Variants in PCDHGA12 observed in about 807,000 individuals in gnomAD.
PCDHGA12 encodes the protein protocadherin gamma-A12.
Under a neutral mutation model 61.1 loss-of-function variants are expected in PCDHGA12, and 43 were observed. The ratio of observed to expected loss-of-function variants is 0.70; its 90% confidence interval spans 0.55 to 0.91. PCDHGA12 has a LOEUF of 0.91. Among genes scored for constraint, PCDHGA12 ranks in the 40% least tolerant of loss-of-function variants. The probability of loss-of-function intolerance (pLI) is 0.00; values close to 1 mark genes in which losing one functional copy is unlikely to be tolerated. For synonymous variants in PCDHGA12, 520 were observed against 542.9 expected, an observed-to-expected ratio of 0.96 and a Z score of 0.59; for missense variants, 1,236 against 1,227.7, an observed-to-expected ratio of 1.01 and a Z score of -0.10.
intron 1 of PCDHGA12, chr5:141,478,378 G>A (rs1454112813): frequency 6.2e-7 from 1 of 1,613,558 alleles, no homozygotes; most frequent in Admixed American, 1.7e-5. Context: ...TGATGTCGCC[G>A]CACCTTTACC....
In PCDHGA12 at chr5:141,490,755, C is replaced by T; in HGVS notation, c.2425-4052C>T. ...AGGTTCAGGGAGCCCCAGCCTCCTC[C>T]TTTGTGTATGTCAACCCAGAGGATG... On this transcript the variant is annotated intron_variant, in intron 1 of 3. Transcript: ENST00000252085. This position sits in a 1 kb window ranked among gnomAD's most constrained non-coding sequence, Gnocchi z 5.4. 1 of 1,614,190 alleles carries T rather than the reference C, an allele frequency of 6.2e-7. No individual in the cohort carries two copies. Among genetic ancestry groups the T allele is most frequent in the Non-Finnish European group, 8.5e-7 (1 of 1,180,026 alleles).
In PCDHGA12 at chr5:141,476,506, C is replaced by T; in HGVS notation, c.2425-18301C>T. 1 of 1,614,068 alleles carries T rather than the reference C, an allele frequency of 6.2e-7. No homozygotes were observed. ...AAGTGGTGATCCAGGACATCAACGA[C>T]AACAATCCTGCTTTCCCTACCCAGG... On this transcript the variant is annotated intron_variant, in intron 1 of 3. Transcript: ENST00000252085. This position sits in a 1 kb window ranked among gnomAD's most constrained non-coding sequence, Gnocchi z 7.6.
chr5:141,433,389 A>G (rs1157605590), intron 1 of PCDHGA12, among the ~76,000 whole-genome samples: 2 of 151,108 alleles, frequency 1.3e-5, no homozygotes, highest in African/African-American at 2.4e-5. Context: ...CTATCTATCT[A>G]TCTATCTATC....
At chr5:141,434,497 G>A (rs986672351) in intron 1 of PCDHGA12, among the ~76,000 whole-genome samples, 2 of 152,214 alleles carry the variant, frequency 1.3e-5, no homozygotes, top group African/African-American at 4.8e-5. Context: ...CCCGCCCAGG[G>A]CAGAAAACTG....
chr5:141,476,521 C>T lies in PCDHGA12; in HGVS notation c.2425-18286C>T. On this transcript the variant is annotated intron_variant, in intron 1 of 3. Transcript: ENST00000252085. The surrounding 1 kb of genome is among the most constrained non-coding windows in gnomAD (Gnocchi z 7.6). ...ACATCAACGACAACAATCCTGCTTT[C>T]CCTACCCAGGAAATGAAATTGGAGA... 4 of 1,614,214 alleles carry T rather than the reference C, an allele frequency of 2.5e-6. No homozygotes were observed. The highest frequency in any genetic ancestry group is 3.4e-6 in the Non-Finnish European group (4 of 1,180,036).
chr5:141,491,705 G>A lies in PCDHGA12; in HGVS notation c.2425-3102G>A. ...ACGCTGCGGGAGCGGAGCCAGGTGA[G>A]GGGCTCGGCGCCGCCCCGGGCGACC... is the stretch of plus-strand genomic sequence containing the variant. On this transcript the variant is annotated intron_variant, in intron 1 of 3. Transcript: ENST00000252085. The surrounding 1 kb of genome is among the most constrained non-coding windows in gnomAD (Gnocchi z 6.9). 1 of 1,611,064 alleles carries A rather than the reference G, an allele frequency of 6.2e-7. No homozygotes were observed. Among genetic ancestry groups the A allele is most frequent in the South Asian group, 1.1e-5 (1 of 90,828 alleles).
At chr5:141,454,557 C>T (rs191373514) in intron 1 of PCDHGA12, among the ~76,000 whole-genome samples, 8 of 152,160 alleles carry the variant, frequency 5.3e-5, no homozygotes, top group Admixed American at 5.2e-4. Flanking sequence ...CAGGCATGTG[C>T]CACCACGCCC....
intron 1 of PCDHGA12, among the ~76,000 whole-genome samples, chr5:141,464,402 G>T (rs900750443): frequency 6.6e-6 from 1 of 150,722 alleles, no homozygotes; most frequent in African/African-American, 2.4e-5. Context: ...AAGAACCTGA[G>T]ATATATATAT....
chr5:141,467,057 T>TG, intron 1 of PCDHGA12, among the ~76,000 whole-genome samples: 1 of 144,752 alleles, frequency 6.9e-6, no homozygotes, highest in Non-Finnish European at 1.5e-5. Context: ...AATGTTTTCT[T>TG]TTTTTTTTTT....
At chr5:141,462,984 T>G (rs1349170605) in intron 1 of PCDHGA12, among the ~76,000 whole-genome samples, 1 of 152,156 alleles carries the variant, frequency 6.6e-6, no homozygotes, top group African/African-American at 2.4e-5. Context: ...ACTTTTGCCT[T>G]GGGCTAATTT....
chr5:141,461,303 G>T (rs1390421489), intron 1 of PCDHGA12, among the ~76,000 whole-genome samples: 2 of 152,074 alleles, frequency 1.3e-5, no homozygotes, highest in Non-Finnish European at 2.9e-5. Flanking sequence ...AACATCTATT[G>T]TTTTTTGACT....
Position 141,476,292 on chromosome 5 carries a change from G to A in PCDHGA12, c.2425-18515G>A. The A allele has an allele frequency of 1.9e-6, 3 of 1,614,144 alleles. No homozygotes were observed. The highest frequency in any genetic ancestry group is 2.5e-6 in the Non-Finnish European group (3 of 1,180,016). On this transcript the variant is annotated intron_variant, in intron 1 of 3. Transcript: ENST00000252085. This position sits in a 1 kb window ranked among gnomAD's most constrained non-coding sequence, Gnocchi z 7.6. ...GTCGCGAACCTTGGTTTGGATCTCGGTAGCCTCTCAGCCCGCAGGTTCCGG... is the reference window on the plus strand; with the variant it reads ...GTCGCGAACCTTGGTTTGGATCTCGATAGCCTCTCAGCCCGCAGGTTCCGG...
chr5:141,489,339 C>T lies in PCDHGA12; in HGVS notation c.2425-5468C>T. 6.2e-7 allele frequency: 1 copy of T among 1,608,828 alleles called. No individual in the cohort carries two copies. On this transcript the variant is annotated intron_variant, in intron 1 of 3. Transcript: ENST00000252085. The surrounding 1 kb of genome is among the most constrained non-coding windows in gnomAD (Gnocchi z 4.5). ...GCTGGGTGTCTGGGCAGCTTCGTTA[C>T]TCAGTGGTGGAGGAGTCTGAGCCGG...
intron 1 of PCDHGA12, among the ~76,000 whole-genome samples, chr5:141,494,512 C>T (rs2154591503): frequency 6.6e-6 from 1 of 152,276 alleles, no homozygotes; most frequent in Middle Eastern, 3.4e-3. Context: ...AATTTTGGCT[C>T]AGGAGTTCTG....
In PCDHGA12 at chr5:141,476,132, T is replaced by C. The variant is rs751708569; in HGVS notation, c.2425-18675T>C. 2 of 1,607,820 alleles carry C rather than the reference T, an allele frequency of 1.2e-6. No homozygotes were observed. The highest frequency in any genetic ancestry group is 1.1e-5 in the South Asian group (1 of 90,582). On this transcript the variant is annotated intron_variant, in intron 1 of 3. Coordinates refer to ENST00000252085, the MANE Select transcript of PCDHGA12 (RefSeq NM_003735.3). The surrounding 1 kb of genome is among the most constrained non-coding windows in gnomAD (Gnocchi z 7.6). ...TTTGAGTGAGATGGTCCCAGAGGCC[T>C]GGAGGAGCGGACTGGTAAGCACCGG...
At chr5:141,510,534 C>T (rs1187165551) in intron 3 of PCDHGA12, among the ~76,000 whole-genome samples, 2 of 152,126 alleles carry the variant, frequency 1.3e-5, no homozygotes, top group African/African-American at 2.4e-5. Context: ...AGAGAAATAC[C>T]AGCGAATGTG....
At chr5:141,433,662 C>T (rs1377052782) in intron 1 of PCDHGA12, among the ~76,000 whole-genome samples, 1 of 151,950 alleles carries the variant, frequency 6.6e-6, no homozygotes, top group Non-Finnish European at 1.5e-5. Context: ...ATGGAGAAAC[C>T]CCGTCTATAC....
Position 141,431,386 on chromosome 5 carries a change from C to A in PCDHGA12, c.627C>A (p.His209Gln). The stretch of plus-strand genomic sequence containing the variant: ...ACCGCGAAGAAAAGGCTGCTCACCA[C>A]CTGGTCCTTACGGCCTCCGACGGGG... ...ALDREEKAAH[H>Q]LVLTASDGGD... The change falls in exon 1 of 4, where the codon CAC becomes CAA. Residue 209 changes from histidine to glutamine, a missense_variant. Physicochemically the swap from His to Gln is conservative, Grantham distance 24. Coordinates refer to ENST00000252085, the MANE Select transcript of PCDHGA12 (RefSeq NM_003735.3). The surrounding 1 kb of genome is among the most constrained non-coding windows in gnomAD (Gnocchi z 4.8). The A allele has an allele frequency of 6.2e-7, 1 of 1,613,924 alleles. No individual in the cohort carries two copies. Among genetic ancestry groups the A allele is most frequent in the Non-Finnish European group, 8.5e-7 (1 of 1,180,038 alleles).
At position 141,430,969 on chromosome 5, in the gene PCDHGA12, T is replaced by C. The variant is rs560722324; in HGVS notation, c.210T>C (p.Gly70=). The C allele has an allele frequency of 1.5e-4, 246 of 1,613,012 alleles. 3 individuals carry two copies. The South Asian group carries it at 2.6e-3, about 17-fold the overall frequency. ...AERGVRIIPR[G]RTQLFALNPR... is the part of the protein sequence containing the mutation. The stretch of plus-strand genomic sequence containing the variant: ...GCGGAGTCCGCATCATCCCCAGAGG[T>C]AGGACGCAGCTTTTCGCCCTGAATC... The change falls in exon 1 of 4, where the codon GGT becomes GGC. Residue 70 remains glycine (G), a synonymous_variant. Transcript: ENST00000252085.
Sources: gnomAD v4.1 joint callset for allele counts (sites outside exome capture counted in the v4.1 genomes callset) on GRCh38, gnomAD v4.1.1 for gene constraint, Gnocchi (gnomAD v3.1) non-coding constraint, MANE v1.5 for transcripts, NCBI Gene and HGNC (gene_info 2026-07-23, HGNC 2026-07-21) for gene names.